Variants in NPRL3 observed in about 807,000 individuals in gnomAD.
NPRL3 encodes GATOR1 complex protein NPRL3.
A neutral mutation model predicts 57.2 loss-of-function variants in NPRL3; 23 were observed. That is an observed-to-expected ratio of 0.40 (90% CI 0.29 to 0.57). The LOEUF is 0.57. Among genes scored for constraint, NPRL3 ranks in the 20% least tolerant of loss-of-function variants. The pLI, the probability that NPRL3 is intolerant of heterozygous loss-of-function variation, is 0.42. For synonymous variants in NPRL3, 333 were observed against 321.1 expected, an observed-to-expected ratio of 1.04 and a Z score of -0.39; for missense variants, 691 against 767.1, an observed-to-expected ratio of 0.90 and a Z score of 1.17.
intron 12 of NPRL3, 45 bp downstream of exon 12, chr16:89,668 C>A: frequency 1.4e-6 from 2 of 1,448,128 alleles, no homozygotes; most frequent in South Asian, 1.5e-5. Flanking sequence ...ATGCCACCCC[C>A]AAGCGTCTCC....
At chr16:92,506 G>A (rs1898802832) in intron 11 of NPRL3, 90 bp downstream of exon 11, 3 of 1,468,134 alleles carry the variant, frequency 2.0e-6, no homozygotes, top group Non-Finnish European at 2.8e-6. Flanking sequence ...GCAGTGCTGA[G>A]GGCTCTCAGA....
In NPRL3 at chr16:85,681, A is replaced by G. The variant is rs552381835; in HGVS notation, c.*1024T>C. ...CAGCCCGGGTGGGCGTCGGCCATGC[A>G]GGGGAGTGGGCCCGGAAACCCCTCC... On this transcript the variant is annotated 3_prime_UTR_variant, in exon 14 of 14. Coordinates refer to ENST00000611875, the MANE Select transcript of NPRL3 (RefSeq NM_001077350.3). The G allele has an allele frequency of 1.4e-5, 22 of 1,565,186 alleles. No homozygotes were observed. In the Admixed American group the frequency reaches 3.7e-4, roughly 26 times the overall value.
At chr16:97,207 T>A (rs1339269538) in intron 9 of NPRL3, among the ~76,000 whole-genome samples, 1 of 150,746 alleles carries the variant, frequency 6.6e-6, no homozygotes, top group Non-Finnish European at 1.5e-5. Context: ...GCTGATCCCA[T>A]GGCCTGTTGG....
rs907548818 is a variant in NPRL3 at position 110,671 on chromosome 16, C to T, written c.548-65G>A. The T allele has an allele frequency of 3.0e-6, 4 of 1,321,886 alleles. No individual in the cohort carries two copies. The African/African-American group carries it at 5.9e-5, about 19-fold the overall frequency. 81.9% of individuals were successfully genotyped at this position (1,321,886 alleles called of 1,614,324 possible). On this transcript the variant is annotated intron_variant, in intron 6 of 13. Coordinates refer to ENST00000611875, the MANE Select transcript of NPRL3 (RefSeq NM_001077350.3). The stretch of plus-strand genomic sequence containing the variant: ...CAAGCGATTCTCCTGCCTCAGCCTT[C>T]CAAGTAGCTGGGATTACAGGCGCCC...
At chr16:131,605 A>AAAC (rs1365395460) in intron 2 of NPRL3, among the ~76,000 whole-genome samples, 2 of 151,166 alleles carry the variant, frequency 1.3e-5, no homozygotes, top group African/African-American at 2.4e-5. Context: ...CTCAAAAAAA[A>AAAC]AAAAAAAAAA....
rs1022492069 is a variant in NPRL3 at position 89,644 on chromosome 16, G to A, written c.1351+69C>T. 2.9e-5 allele frequency: 40 copies of A among 1,389,820 alleles called. No individual in the cohort carries two copies. In the African/African-American group the frequency reaches 3.1e-4, roughly 11 times the overall value. The allele number at this position is 1,389,820 out of a possible 1,614,324, so 86.1% of individuals were successfully genotyped here. A position where few individuals can be genotyped will look rare whatever the true frequency, so the allele number is the denominator to read the frequency against. On this transcript the variant is annotated intron_variant, in intron 12 of 13. Coordinates refer to ENST00000611875, the MANE Select transcript of NPRL3 (RefSeq NM_001077350.3). ...CCTCATCACTCACAGCACCACCCAC[G>A]TTGAGCCTCCTGGATGCCACCCCCA...
chr16:85,847 C>G lies in NPRL3; in HGVS notation c.*858G>C, dbSNP rs1898442945. 2 of 1,398,914 alleles carry G rather than the reference C, an allele frequency of 1.4e-6. No individual in the cohort carries two copies. Among genetic ancestry groups the G allele is most frequent in the East Asian group, 5.2e-5 (2 of 38,384 alleles). The allele number at this position is 1,398,914 out of a possible 1,614,324, so 86.7% of individuals were successfully genotyped here. A position where few individuals can be genotyped will look rare whatever the true frequency, so the allele number is the denominator to read the frequency against. On this transcript the variant is annotated 3_prime_UTR_variant, in exon 14 of 14. Transcript: ENST00000611875. ...GAATAAATGTTTTATTTCTAGAAAA[C>G]TGTGCCTTAGCCAGAGCTCCTCTAG...
chr16:104,142 A>G (rs1214391640), intron 7 of NPRL3, among the ~76,000 whole-genome samples: 1 of 151,258 alleles, frequency 6.6e-6, no homozygotes, highest in Non-Finnish European at 1.5e-5. Context: ...AAAAAAAAAA[A>G]ATTAGCCAGG....
intron 10 of NPRL3, 46 bp from the exon 11 acceptor site, chr16:92,771 C>T (rs776009589): frequency 1.3e-5 from 21 of 1,605,420 alleles, no homozygotes; most frequent in South Asian, 2.2e-5. Flanking sequence ...ACCCCCCCAC[C>T]GTGTTCTCAA....
intron 2 of NPRL3, among the ~76,000 whole-genome samples, chr16:134,694 ATTTTT>A (rs34425237): frequency 6.8e-5 from 7 of 103,412 alleles, no homozygotes; most frequent in Admixed American, 1.2e-4. Context: ...AATTATTATT[ATTTTT>A]TTTTTTTTTT....
chr16:100,783 T>G (rs55875966), intron 7 of NPRL3, among the ~76,000 whole-genome samples: 39 of 146,082 alleles, frequency 2.7e-4, no homozygotes, highest in Non-Finnish European at 3.9e-4. Flanking sequence ...GCCTGGCTAA[T>G]AACACGGTGA....
Position 89,795 on chromosome 16 carries a change from C to A in NPRL3, c.1269G>T (p.Pro423=), listed in dbSNP as rs762331419. The A allele has an allele frequency of 3.8e-6, 6 of 1,599,282 alleles. No individual in the cohort carries two copies. The highest frequency in any genetic ancestry group is 1.1e-5 in the South Asian group (1 of 88,476). ...MASPSEEEPR[P]REDDVPFTAR... is the part of the protein sequence containing the mutation. Reference sequence around the variant, plus strand: ...CAGTGAAGGGGACGTCGTCCTCTCGCGGACGGGGCTCCTCCTCGCTGGGTG... The same window carrying A: ...CAGTGAAGGGGACGTCGTCCTCTCGAGGACGGGGCTCCTCCTCGCTGGGTG... The change falls in exon 12 of 14, where the codon CCG becomes CCT. Residue 423 remains proline (P), a synonymous_variant. Transcript: ENST00000611875.
intron 10 of NPRL3, 151 bp from the exon 11 acceptor site, chr16:92,876 A>T: frequency 1.1e-6 from 1 of 927,192 alleles, no homozygotes. Flanking sequence ...GCAGGCCTCC[A>T]GGTGGACAGA....
At chr16:108,873 T>C (rs893846132) in intron 7 of NPRL3, among the ~76,000 whole-genome samples, 4 of 151,768 alleles carry the variant, frequency 2.6e-5, no homozygotes, top group South Asian at 2.1e-4. Context: ...GGTTTCACCA[T>C]GTTAGCCAGG....
intron 8 of NPRL3, among the ~76,000 whole-genome samples, chr16:98,936 C>T (rs1899148879): frequency 6.6e-6 from 1 of 151,986 alleles, no homozygotes; most frequent in South Asian, 2.1e-4. Flanking sequence ...GACTCTGTCT[C>T]AAAAACAACA....
intron 9 of NPRL3, among the ~76,000 whole-genome samples, chr16:95,350 T>TACACACACACACACACACACAC (rs142854412): frequency 1.8e-5 from 2 of 110,990 alleles, no homozygotes; most frequent in African/African-American, 7.4e-5. Context: ...TATATATATA[T>TACACACACACACACACACACAC]ACACACACAC....
At chr16:94,745 A>AT (rs1371189903) in intron 9 of NPRL3, among the ~76,000 whole-genome samples, 1 of 152,072 alleles carries the variant, frequency 6.6e-6, no homozygotes, top group Non-Finnish European at 1.5e-5. Context: ...CAACCCCGAC[A>AT]TGGCAGGTTT....
intron 2 of NPRL3, among the ~76,000 whole-genome samples, chr16:132,763 G>A (rs928960938): frequency 3.4e-5 from 5 of 149,064 alleles, no homozygotes; most frequent in South Asian, 2.1e-4. Context: ...TCCGCCTCCC[G>A]GATTCACGCC....
chr16:138,157 G>A lies in NPRL3; in HGVS notation c.111C>T (p.Ser37=), dbSNP rs1555446496. 1.2e-6 allele frequency: 2 copies of A among 1,601,554 alleles called. No homozygotes were observed. The highest frequency in any genetic ancestry group is 2.3e-5 in the South Asian group (2 of 88,504). The change falls in exon 2 of 14, where the codon TCC becomes TCT. Residue 37 remains serine (S), a synonymous_variant. Coordinates refer to ENST00000611875, the MANE Select transcript of NPRL3 (RefSeq NM_001077350.3). The part of the protein sequence containing the change: ...PFQRSQEHPA[S]QTSKPRSRYA... ...CGCCCAGCGCTCACTTACTTGTCTG[G>A]GACGCCGGGTGCTCCTGGCTTCTCT...
Sources: allele counts gnomAD v4.1 joint callset (sites outside exome capture counted in the v4.1 genomes callset), GRCh38; gene constraint gnomAD v4.1.1; transcripts MANE v1.5; gene names NCBI Gene and HGNC (gene_info 2026-07-23, HGNC 2026-07-21).